Variants in DDHD1 observed in about 807,000 individuals in gnomAD.
DDHD1 encodes the protein phospholipase DDHD1.
DDHD1 carries 49 observed loss-of-function variants against 96.4 expected under a neutral mutation model. The observed-to-expected ratio is 0.51, with a 90% CI of 0.40 to 0.64. DDHD1 has a LOEUF of 0.64. DDHD1 is among the 30% of genes least tolerant of loss of function. DDHD1 has a pLI of 0.00. For synonymous variants in DDHD1, 442 were observed against 446.5 expected (o/e 0.99, Z 0.13); for missense variants, 1,106 against 1,161.2 (o/e 0.95, Z 0.69).
At chr14:53,136,139 C>T (rs1013664784) in intron 1 of DDHD1, among the ~76,000 whole-genome samples, 2 of 152,144 alleles carry the variant, frequency 1.3e-5, no homozygotes, top group African/African-American at 4.8e-5. Context: ...TGAGATCCAC[C>T]CCCTGCCCGC....
intron 4 of DDHD1, among the ~76,000 whole-genome samples, chr14:53,088,085 G>C (rs138111154): frequency 2.0e-5 from 3 of 152,178 alleles, no homozygotes; most frequent in Non-Finnish European, 2.9e-5. Context: ...ATAAATTCCT[G>C]GACACATACA....
chr14:53,139,567 C>T lies in DDHD1; in HGVS notation c.838+12694G>A, dbSNP rs117604284. On this transcript the variant is annotated intron_variant, in intron 1 of 12. Transcript: ENST00000673822. ...AGGTTGCTCAATCCCCCACACTAAACGTCTAGCGAAATACAAGGTGTGCCT... is the reference window on the plus strand; with the variant it reads ...AGGTTGCTCAATCCCCCACACTAAATGTCTAGCGAAATACAAGGTGTGCCT... Among the ~76,000 whole-genome samples, 154 of 152,156 alleles carry T rather than the reference C, an allele frequency of 1.0e-3. 5 individuals are homozygous for T. In the East Asian group the frequency reaches 0.017, roughly 17 times the overall value.
chr14:53,147,381 G>T (rs1891069351), intron 1 of DDHD1, among the ~76,000 whole-genome samples: 1 of 152,146 alleles, frequency 6.6e-6, no homozygotes, highest in Non-Finnish European at 1.5e-5. Context: ...GTTGACAGGG[G>T]TAAGAAAACC....
chr14:53,061,677 T>C (rs1883570236), intron 7 of DDHD1, among the ~76,000 whole-genome samples: 1 of 152,204 alleles, frequency 6.6e-6, no homozygotes, highest in African/African-American at 2.4e-5. Context: ...ATTACAATGT[T>C]TCATAGCTAC....
intron 3 of DDHD1, 113 bp from the exon 4 acceptor site, chr14:53,092,045 G>T: frequency 2.0e-6 from 2 of 1,019,088 alleles, no homozygotes; most frequent in Non-Finnish European, 1.4e-6. Flanking sequence ...AATTTCACTG[G>T]CTGTGGGGGA....
rs1891595134 is a variant in DDHD1, at chr14:53,153,157, C to G, written c.-59G>C. 3.9e-6 allele frequency: 5 copies of G among 1,285,840 alleles called. No individual in the cohort carries two copies. The Admixed American group carries it at 1.6e-4, about 42-fold the overall frequency. 79.7% of individuals were successfully genotyped at this position (1,285,840 alleles called of 1,614,324 possible). On this transcript the variant is annotated 5_prime_UTR_variant, in exon 1 of 13. Transcript: ENST00000673822. ...GCGGAGCCGTGACCCCCAGCGCTTC[C>G]GCCACACATTCAACGCCGCCGCCCT...
intron 4 of DDHD1, among the ~76,000 whole-genome samples, chr14:53,089,203 T>C (rs147884448): frequency 2.0e-5 from 3 of 152,272 alleles, no homozygotes; most frequent in Non-Finnish European, 2.9e-5. Flanking sequence ...TGCTCATGAA[T>C]AGGAAGAATC....
At chr14:53,052,571 TAAC>T (rs1279301869) in intron 11 of DDHD1, 1 of 151,970 alleles carries the variant, frequency 6.6e-6, no homozygotes, top group African/African-American at 2.4e-5. Flanking sequence ...AGACAGCACT[TAAC>T]GACGAGAAAT....
intron 12 of DDHD1, among the ~76,000 whole-genome samples, chr14:53,049,850 C>T (rs1310668078): frequency 6.6e-6 from 1 of 151,974 alleles, no homozygotes; most frequent in Non-Finnish European, 1.5e-5. Flanking sequence ...TTTTAAAACA[C>T]GGATTATTTT....
chr14:53,153,117 G>GA lies in DDHD1; in HGVS notation c.-20_-19insT. 1 of 1,374,290 alleles carries GA rather than the reference G, an allele frequency of 7.3e-7. No individual in the cohort carries two copies. Among genetic ancestry groups the GA allele is most frequent in the South Asian group, 1.7e-5 (1 of 58,580 alleles). The allele number at this position is 1,374,290 out of a possible 1,614,324, so 85.1% of individuals were successfully genotyped here. ...AATTCATGCTGTGGAGACGCCGCCG[G>GA]CTGTCCGGCGGCGCGCGGAGCCGTG... is the stretch of plus-strand genomic sequence containing the variant. On this transcript the variant is annotated 5_prime_UTR_variant, in exon 1 of 13. Transcript: ENST00000673822.
chr14:53,110,326 C>T (rs917006372), intron 1 of DDHD1, among the ~76,000 whole-genome samples: 1 of 152,222 alleles, frequency 6.6e-6, no homozygotes, highest in Non-Finnish European at 1.5e-5. Context: ...CACCATTACC[C>T]AATGCCTACT....
At chr14:53,074,665 C>T (rs1884799124) in intron 4 of DDHD1, among the ~76,000 whole-genome samples, 1 of 151,998 alleles carries the variant, frequency 6.6e-6, no homozygotes, top group Non-Finnish European at 1.5e-5. Flanking sequence ...TAAATACAAT[C>T]CATGCACTGC....
At position 53,045,406 on chromosome 14, in the gene DDHD1, AGAG is replaced by A. The variant is rs2139800548; in HGVS notation, c.*1359_*1361del. ...GTGGCTAATTTTTGTCAGTTTTTGC[AGAG>A]AAGAGGGTCTCACTATGTTGCCCAA... On this transcript the variant is annotated 3_prime_UTR_variant, in exon 13 of 13. Coordinates refer to ENST00000673822, the MANE Select transcript of DDHD1 (RefSeq NM_001160148.2). 1 of 152,246 alleles carries A rather than the reference AGAG, an allele frequency of 6.6e-6. No homozygotes were observed. The highest frequency in any genetic ancestry group is 2.1e-4 in the South Asian group (1 of 4,820). The allele number at this position is 152,246 out of a possible 1,614,324, so 9.4% of individuals were successfully genotyped here. A position where few individuals can be genotyped will look rare whatever the true frequency, so the allele number is the denominator to read the frequency against.
chr14:53,054,364 TTTTA>T, intron 11 of DDHD1, 70 bp downstream of exon 11: 7 of 1,407,028 alleles, frequency 5.0e-6, no homozygotes, highest in Non-Finnish European at 6.8e-6. Context: ...AGTATTAATA[TTTTA>T]TACCTCCCTG....
intron 2 of DDHD1, among the ~76,000 whole-genome samples, chr14:53,095,828 T>C (rs1467572666): frequency 6.6e-6 from 1 of 152,170 alleles, no homozygotes; most frequent in Non-Finnish European, 1.5e-5. Flanking sequence ...CGTTAAACTA[T>C]GAGATCAAGA....
chr14:53,150,650 A>C (rs1207179421), intron 1 of DDHD1, among the ~76,000 whole-genome samples: 1 of 152,180 alleles, frequency 6.6e-6, no homozygotes, highest in Non-Finnish European at 1.5e-5. Flanking sequence ...CTGTATTTTT[A>C]TCCAACTTTC....
chr14:53,092,135 C>T (rs1257246873), intron 3 of DDHD1: 1 of 377,046 alleles, frequency 2.7e-6, no homozygotes, highest in Non-Finnish European at 4.7e-6. Context: ...AGCCAGAAAC[C>T]ATAAAGAGAA....
intron 8 of DDHD1, 152 bp downstream of exon 8, chr14:53,060,974 A>C (rs1883498142): frequency 2.9e-6 from 2 of 698,286 alleles, no homozygotes; most frequent in Non-Finnish European, 4.6e-6. Flanking sequence ...TTGTACAACC[A>C]GAAATGGCAG....
intron 1 of DDHD1, among the ~76,000 whole-genome samples, chr14:53,151,658 A>AT (rs1891382598): frequency 1.3e-5 from 2 of 152,224 alleles, no homozygotes; most frequent in Non-Finnish European, 2.9e-5. Context: ...AAAATATGTA[A>AT]ATGAGGACCT....
Sources: gnomAD v4.1 joint callset for allele counts (sites outside exome capture counted in the v4.1 genomes callset) on GRCh38, gnomAD v4.1.1 for gene constraint, MANE v1.5 for transcripts, NCBI Gene and HGNC (gene_info 2026-07-23, HGNC 2026-07-21) for gene names.